Variants in LYRM4 observed in about 807,000 individuals in gnomAD.
LYRM4 encodes LYR motif-containing protein 4.
LYRM4 carries 9 observed loss-of-function variants against 11.7 expected under a neutral mutation model. That is an observed-to-expected ratio of 0.77 (90% confidence interval 0.46 to 1.34). LYRM4 has a LOEUF of 1.34. LYRM4 is among the 40% of genes most tolerant of loss of function. The pLI is 0.00. For missense variants in LYRM4, 133 were observed against 112.5 expected, an observed-to-expected ratio of 1.18 and a Z score of -0.82; for synonymous variants, 42 against 40.4, an observed-to-expected ratio of 1.04 and a Z score of -0.15.
chr6:5,216,772 G>A (rs771594641), intron 1 of LYRM4, 34 bp from the exon 2 acceptor site: 19 of 1,601,314 alleles, frequency 1.2e-5, no homozygotes, highest in African/African-American at 2.7e-5. Flanking sequence ...AAGAAAAGGT[G>A]TCAGCGTGTC....
chr6:5,150,776 T>C (rs1758043822), intron 2 of LYRM4, among the ~76,000 whole-genome samples: 1 of 152,208 alleles, frequency 6.6e-6, no homozygotes, highest in Non-Finnish European at 1.5e-5. Context: ...GAACTACAGC[T>C]GAACCAATCT....
intron 2 of LYRM4, among the ~76,000 whole-genome samples, chr6:5,121,188 A>C (rs1446439581): frequency 6.6e-6 from 1 of 152,210 alleles, no homozygotes; most frequent in Non-Finnish European, 1.5e-5. Context: ...TACCAGGTGT[A>C]CTTTGGGTAC....
At chr6:5,039,160 A>G in the LYRM4 span, among the ~76,000 whole-genome samples, 1 of 152,172 alleles carries the variant, frequency 6.6e-6, no homozygotes, top group Non-Finnish European at 1.5e-5. Context: ...TGCTTTAAAA[A>G]TAAATATGTA....
the LYRM4 span, chr6:5,033,900 A>G: frequency 6.6e-6 from 1 of 152,256 alleles, no homozygotes; most frequent in Admixed American, 6.5e-5. Context: ...CAGAGCAGGG[A>G]AAAAATCTGA....
intron 2 of LYRM4, among the ~76,000 whole-genome samples, chr6:5,200,642 G>A (rs1761334204): frequency 6.6e-6 from 1 of 152,222 alleles, no homozygotes; most frequent in African/African-American, 2.4e-5. Flanking sequence ...GACTAGCCTT[G>A]TGGAGAACAT....
chr6:5,086,785 A>T, the LYRM4 span: 1 of 566,616 alleles, frequency 1.8e-6, no homozygotes, highest in South Asian at 2.3e-5. Context: ...CTCTGACCTC[A>T]GTCTTCTCGT....
At chr6:5,044,305 G>A in the LYRM4 span, among the ~76,000 whole-genome samples, 14 of 151,540 alleles carry the variant, frequency 9.2e-5, no homozygotes, top group African/African-American at 3.4e-4. Context: ...TAATTTTTGT[G>A]TTTTTAGTAG....
chr6:5,099,330 G>C (rs1263633233), downstream of LYRM4, among the ~76,000 whole-genome samples: 1 of 151,416 alleles, frequency 6.6e-6, no homozygotes, highest in African/African-American at 2.4e-5. This position sits in a 1 kb window ranked among gnomAD's most constrained non-coding sequence, Gnocchi z 4.3. Context: ...AGCCTCCCGA[G>C]TAGCTGGGAC....
the LYRM4 span, chr6:5,086,514 G>C: frequency 3.9e-6 from 6 of 1,534,948 alleles, no homozygotes; most frequent in Non-Finnish European, 5.2e-6. Flanking sequence ...ACAACAACGC[G>C]GGCGCCAACT....
At chr6:5,212,679 G>T (rs1762046339) in intron 2 of LYRM4, among the ~76,000 whole-genome samples, 1 of 152,182 alleles carries the variant, frequency 6.6e-6, no homozygotes, top group Non-Finnish European at 1.5e-5. Flanking sequence ...GGAAATAATG[G>T]CACTTTATCA....
chr6:5,202,033 C>A (rs1761422740), intron 2 of LYRM4, among the ~76,000 whole-genome samples: 1 of 152,210 alleles, frequency 6.6e-6, no homozygotes, highest in South Asian at 2.1e-4. Flanking sequence ...GCCTGCGGCA[C>A]CTGGTATATA....
At chr6:5,105,179 G>A (rs1201668795), downstream of LYRM4, 1 of 152,198 alleles carries the variant, frequency 6.6e-6, no homozygotes, top group East Asian at 1.9e-4. Flanking sequence ...TAATTATTTA[G>A]CACATGTCTG....
At chr6:5,033,178 T>TTCTC in the LYRM4 span, 1 of 142,808 alleles carries the variant, frequency 7.0e-6, no homozygotes, top group African/African-American at 2.6e-5. Context: ...CCAGACAGAC[T>TTCTC]CTTCTCCCTC....
intron 2 of LYRM4, among the ~76,000 whole-genome samples, chr6:5,143,156 C>T (rs139138725): frequency 1.3e-5 from 2 of 152,336 alleles, no homozygotes; most frequent in Non-Finnish European, 2.9e-5. Context: ...TCTGTTAGCG[C>T]TCTAGGGCCT....
chr6:5,213,923 C>T (rs573362687), intron 2 of LYRM4, among the ~76,000 whole-genome samples: 14 of 152,350 alleles, frequency 9.2e-5, no homozygotes, highest in South Asian at 2.1e-4. Flanking sequence ...CTCACTACAA[C>T]GCATGAAGTA....
chr6:5,108,973 T>C lies in LYRM4; in HGVS notation c.*450A>G. 1.0e-6 allele frequency: 1 copy of C among 999,884 alleles called. No individual in the cohort carries two copies. Among genetic ancestry groups the C allele is most frequent in the East Asian group, 1.0e-4 (1 of 10,010 alleles). The allele number at this position is 999,884 out of a possible 1,614,324, so 61.9% of individuals were successfully genotyped here. A position where few individuals can be genotyped will look rare whatever the true frequency, so the allele number is the denominator to read the frequency against. Reference sequence around the variant, plus strand: ...ACCAAGGCAGTTCTCGTCTCAGAGTTGAACCCTCCCTGAGGGCCCCCAACA... The same window carrying C: ...ACCAAGGCAGTTCTCGTCTCAGAGTCGAACCCTCCCTGAGGGCCCCCAACA... On this transcript the variant is annotated 3_prime_UTR_variant, in exon 3 of 3. Coordinates refer to ENST00000330636, the MANE Select transcript of LYRM4 (RefSeq NM_020408.6).
At chr6:5,061,334 T>C in the LYRM4 span, among the ~76,000 whole-genome samples, 1 of 152,236 alleles carries the variant, frequency 6.6e-6, no homozygotes. Context: ...TGTCAGTCAA[T>C]AGTTCAGTTT....
chr6:5,260,880 G>C lies in LYRM4; in HGVS notation c.-147C>G, dbSNP rs941066493. On this transcript the variant is annotated 5_prime_UTR_variant, in exon 1 of 3. Transcript: ENST00000330636. ...CAGCGGGCCGGGCCTAAGCCTAAGC[G>C]GGCAGCCCTGCGGATCGCGGACGGC... The C allele has an allele frequency of 1.4e-6, 2 of 1,428,098 alleles. No homozygotes were observed. Among genetic ancestry groups the C allele is most frequent in the South Asian group, 1.5e-5 (1 of 67,548 alleles). 88.5% of individuals were successfully genotyped at this position (1,428,098 alleles called of 1,614,324 possible).
At chr6:5,207,177 G>A (rs533815771) in intron 2 of LYRM4, among the ~76,000 whole-genome samples, 12 of 152,238 alleles carry the variant, frequency 7.9e-5, no homozygotes, top group Non-Finnish European at 1.8e-4. Context: ...AAAAAGCCAC[G>A]CCGTTTTTTA....
Sources: allele counts gnomAD v4.1 joint callset (sites outside exome capture counted in the v4.1 genomes callset), GRCh38; gene constraint gnomAD v4.1.1; non-coding constraint Gnocchi (gnomAD v3.1); transcripts MANE v1.5; gene names NCBI Gene and HGNC (gene_info 2026-07-23, HGNC 2026-07-21).